The following HCN1 variants were observed in gnomAD, a reference collection of about 807,000 sequenced individuals.
HCN1 encodes hyperpolarization activated cyclic nucleotide gated potassium channel 1, also known as potassium/sodium hyperpolarization-activated cyclic nucleotide-gated channel 1.
Under a neutral mutation model 78.9 loss-of-function variants are expected in HCN1, and 13 were observed. That is an observed-to-expected ratio of 0.16 (90% confidence interval 0.11 to 0.26). The LOEUF is 0.26. HCN1 is among the 10% of genes least tolerant of loss of function. The pLI is 1.00. For synonymous variants in HCN1, 552 were observed against 455.5 expected, an observed-to-expected ratio of 1.21 and a Z score of -2.70; for missense variants, 810 against 1,154.3, an observed-to-expected ratio of 0.70 and a Z score of 4.32.
intron 2 of HCN1, among the ~76,000 whole-genome samples, chr5:45,518,546 C>G (rs866225285): frequency 6.6e-6 from 1 of 151,894 alleles, no homozygotes; most frequent in Non-Finnish European, 1.5e-5. Context: ...TGCAGGAAAC[C>G]TAAGATATGC....
chr5:45,491,198 A>G (rs1029891032), intron 2 of HCN1, among the ~76,000 whole-genome samples: 1 of 152,182 alleles, frequency 6.6e-6, no homozygotes, highest in Non-Finnish European at 1.5e-5. Flanking sequence ...CTACAATATT[A>G]GGATATACAT....
At chr5:45,312,718 T>C (rs1013773188) in intron 5 of HCN1, among the ~76,000 whole-genome samples, 4 of 152,242 alleles carry the variant, frequency 2.6e-5, no homozygotes, top group Non-Finnish European at 5.9e-5. Flanking sequence ...CAGGAGATTA[T>C]ATCCCGCACC....
In HCN1 at chr5:45,395,878, C is replaced by T. The variant is rs569417197; in HGVS notation, c.1230+614G>A. ...AAAAAATCCAATGAATAAATCATTGCCTATATTTACTTTTTCTCTCTCTTG... is the reference window on the plus strand; with the variant it reads ...AAAAAATCCAATGAATAAATCATTGTCTATATTTACTTTTTCTCTCTCTTG... On this transcript the variant is annotated intron_variant, in intron 4 of 7. Transcript: ENST00000303230. Among the ~76,000 whole-genome samples the T allele has an allele frequency of 7.2e-5, 11 of 152,182 alleles. No homozygotes were observed. The South Asian group carries it at 2.3e-3, about 32-fold the overall frequency.
intron 2 of HCN1, among the ~76,000 whole-genome samples, chr5:45,471,388 T>C (rs527298446): frequency 2.0e-5 from 3 of 151,932 alleles, no homozygotes; most frequent in African/African-American, 4.8e-5. Flanking sequence ...ACTGTACAGA[T>C]TGGCCCCCAT....
At chr5:45,497,080 A>G (rs1742052172) in intron 2 of HCN1, among the ~76,000 whole-genome samples, 1 of 152,052 alleles carries the variant, frequency 6.6e-6, no homozygotes, top group South Asian at 2.1e-4. Context: ...GTTTGTTATA[A>G]TTTCTGTTCT....
At chr5:45,690,578 T>A (rs2112102052) in intron 1 of HCN1, among the ~76,000 whole-genome samples, 1 of 152,056 alleles carries the variant, frequency 6.6e-6, no homozygotes, top group African/African-American at 2.4e-5. Flanking sequence ...GAATCCTGAT[T>A]TTTTTTTCCT....
intron 2 of HCN1, among the ~76,000 whole-genome samples, chr5:45,511,184 G>A (rs1742408790): frequency 6.6e-6 from 1 of 151,840 alleles, no homozygotes; most frequent in African/African-American, 2.4e-5. Flanking sequence ...AATAAATAAT[G>A]TATTATTAGA....
chr5:45,373,024 T>G (rs1747456620), intron 4 of HCN1, among the ~76,000 whole-genome samples: 1 of 135,920 alleles, frequency 7.4e-6, no homozygotes, highest in Admixed American at 8.1e-5. Flanking sequence ...TATATATATT[T>G]TACATATATT....
At chr5:45,269,249 T>G (rs1444906609) in intron 6 of HCN1, among the ~76,000 whole-genome samples, 1 of 152,220 alleles carries the variant, frequency 6.6e-6, no homozygotes, top group Non-Finnish European at 1.5e-5. Context: ...ACTTGGTAAA[T>G]TTACTTAAAG....
intron 2 of HCN1, among the ~76,000 whole-genome samples, chr5:45,492,135 T>C (rs955653831): frequency 6.6e-6 from 1 of 151,988 alleles, no homozygotes; most frequent in Admixed American, 6.6e-5. Flanking sequence ...CACCAGCTAC[T>C]CCTACATCAT....
chr5:45,328,585 T>C (rs1257161112), intron 5 of HCN1, among the ~76,000 whole-genome samples: 2 of 151,652 alleles, frequency 1.3e-5, no homozygotes, highest in East Asian at 1.9e-4. Context: ...AAGATGACTA[T>C]GAAGTGACTC....
chr5:45,371,796 C>G (rs549153254), intron 4 of HCN1, among the ~76,000 whole-genome samples: 111 of 138,676 alleles, frequency 8.0e-4, no homozygotes, highest in African/African-American at 2.9e-3. Flanking sequence ...CACACACATA[C>G]ACACACAAGG....
intron 2 of HCN1, among the ~76,000 whole-genome samples, chr5:45,633,716 G>C (rs1366577939): frequency 6.6e-6 from 1 of 151,846 alleles, no homozygotes; most frequent in African/African-American, 2.4e-5. Flanking sequence ...ATATTATAAA[G>C]ATATGAAATT....
chr5:45,512,999 T>C (rs1742443791), intron 2 of HCN1, among the ~76,000 whole-genome samples: 1 of 152,114 alleles, frequency 6.6e-6, no homozygotes, highest in South Asian at 2.1e-4. Context: ...TACATCTCCA[T>C]ATTTTAATAA....
chr5:45,571,454 C>A (rs1264052979), intron 2 of HCN1, among the ~76,000 whole-genome samples: 1 of 151,908 alleles, frequency 6.6e-6, no homozygotes, highest in Non-Finnish European at 1.5e-5. Flanking sequence ...TGACTTGGGG[C>A]AAGATAGATG....
chr5:45,471,435 G>A (rs551921955), intron 2 of HCN1, among the ~76,000 whole-genome samples: 11 of 151,914 alleles, frequency 7.2e-5, no homozygotes, highest in Non-Finnish European at 1.3e-4. Flanking sequence ...ATCTCCGAAT[G>A]TGATTTTATC....
intron 2 of HCN1, among the ~76,000 whole-genome samples, chr5:45,471,753 C>T (rs1209177975): frequency 1.3e-5 from 2 of 151,926 alleles, no homozygotes; most frequent in African/African-American, 2.4e-5. Context: ...CATGTTTGAG[C>T]TTCATACACT....
chr5:45,311,399 C>G (rs1745849361), intron 5 of HCN1, among the ~76,000 whole-genome samples: 1 of 152,060 alleles, frequency 6.6e-6, no homozygotes, highest in South Asian at 2.1e-4. Context: ...TACACTGGTT[C>G]AATTTCTTCT....
intron 2 of HCN1, among the ~76,000 whole-genome samples, chr5:45,542,548 T>TA (rs1197642699): frequency 2.0e-5 from 3 of 152,186 alleles, no homozygotes; most frequent in African/African-American, 7.2e-5. Flanking sequence ...CTGTGCTTTC[T>TA]AAGGTGTTAC....
Sources: gnomAD v4.1 joint callset for allele counts (sites outside exome capture counted in the v4.1 genomes callset) on GRCh38, gnomAD v4.1.1 for gene constraint, MANE v1.5 for transcripts, NCBI Gene and HGNC (gene_info 2026-07-23, HGNC 2026-07-21) for gene names.